ADAMTSL3: variants seen among roughly 807,000 people sequenced by gnomAD.
The protein encoded by ADAMTSL3 is ADAMTS like 3, also known as ADAMTS-like protein 3.
Under a neutral mutation model 201.7 loss-of-function variants are expected in ADAMTSL3, and 128 were observed. The ratio of observed to expected loss-of-function variants is 0.63; its 90% CI spans 0.55 to 0.73. The LOEUF is 0.73. Ranked by LOEUF, ADAMTSL3 falls within the 30% of genes least tolerant of loss-of-function variation. The probability of loss-of-function intolerance (pLI) is 0.00; values close to 1 mark genes in which losing one functional copy is unlikely to be tolerated. For missense variants in ADAMTSL3, 1,990 were observed against 2,119.6 expected (o/e 0.94, Z 1.20); for synonymous variants, 738 against 748.4 (o/e 0.99, Z 0.23).
In ADAMTSL3 at chr15:84,025,481, A is replaced by G. The variant is rs199568472; in HGVS notation, c.4656+45A>G. ...TTTGTGGACAGCACTATCTGTCCAC[A>G]CAGATAGTGTGATAATAATCACCTT... On this transcript the variant is annotated intron_variant, in intron 27 of 29. Transcript: ENST00000286744. The G allele has an allele frequency of 8.2e-5, 128 of 1,566,814 alleles. 2 individuals carry two copies. In the Admixed American group the frequency reaches 2.3e-3, roughly 28 times the overall value.
intron 27 of ADAMTSL3, among the ~76,000 whole-genome samples, chr15:84,027,990 G>A (rs1259774665): frequency 6.6e-6 from 1 of 152,128 alleles, no homozygotes; most frequent in Non-Finnish European, 1.5e-5. Context: ...GAAGACAGAT[G>A]CAAAGGACCA....
intron 23 of ADAMTSL3, among the ~76,000 whole-genome samples, chr15:84,003,765 G>T (rs2067842969): frequency 6.6e-6 from 1 of 152,182 alleles, no homozygotes; most frequent in African/African-American, 2.4e-5. Context: ...CCAGGCAGCA[G>T]CAGAGAGCAC....
At chr15:83,772,732 G>A (rs1230787413) in intron 3 of ADAMTSL3, among the ~76,000 whole-genome samples, 2 of 144,926 alleles carry the variant, frequency 1.4e-5, no homozygotes, top group African/African-American at 5.2e-5. Context: ...CTGAGATAGA[G>A]TCTTGCTCTG....
intron 2 of ADAMTSL3, among the ~76,000 whole-genome samples, chr15:83,669,896 T>C (rs901024772): frequency 1.3e-5 from 2 of 151,978 alleles, no homozygotes; most frequent in African/African-American, 4.8e-5. Flanking sequence ...AATTATGACT[T>C]TGGGAGGAGT....
chr15:83,996,566 G>A (rs1173415017), intron 23 of ADAMTSL3, among the ~76,000 whole-genome samples: 1 of 152,016 alleles, frequency 6.6e-6, no homozygotes, highest in Non-Finnish European at 1.5e-5. Flanking sequence ...CAGATCATGA[G>A]GTCAGGAAAT....
chr15:83,881,854 C>T (rs1239160360), intron 9 of ADAMTSL3, among the ~76,000 whole-genome samples: 2 of 149,444 alleles, frequency 1.3e-5, no homozygotes, highest in East Asian at 2.0e-4. Context: ...GACTCCCTCT[C>T]AAAAAAAGAA....
intron 21 of ADAMTSL3, among the ~76,000 whole-genome samples, chr15:83,986,514 G>A (rs2067478131): frequency 6.6e-6 from 1 of 151,824 alleles, no homozygotes; most frequent in African/African-American, 2.4e-5. Flanking sequence ...TCTAATAAAA[G>A]GTTTTGTTTT....
intron 17 of ADAMTSL3, among the ~76,000 whole-genome samples, chr15:83,938,894 A>T (rs773678233): frequency 6.6e-6 from 1 of 152,162 alleles, no homozygotes; most frequent in Admixed American, 6.5e-5. Flanking sequence ...GTGCTCAATT[A>T]GATATTTTGC....
intron 19 of ADAMTSL3, among the ~76,000 whole-genome samples, chr15:83,950,804 C>T (rs906717580): frequency 7.4e-5 from 11 of 149,334 alleles, no homozygotes; most frequent in East Asian, 3.9e-4. Context: ...TTTGATTGTT[C>T]GCTGTTGGCT....
chr15:83,729,568 G>A (rs2062233664), intron 3 of ADAMTSL3, among the ~76,000 whole-genome samples: 1 of 151,546 alleles, frequency 6.6e-6, no homozygotes. Flanking sequence ...TTTGTCAATT[G>A]CATTTTTCAG....
chr15:83,963,522 TA>T (rs1463840720), intron 19 of ADAMTSL3, among the ~76,000 whole-genome samples: 1 of 152,082 alleles, frequency 6.6e-6, no homozygotes, highest in Non-Finnish European at 1.5e-5. Context: ...GTCTTATAGA[TA>T]AAACTCCCAT....
intron 4 of ADAMTSL3, among the ~76,000 whole-genome samples, chr15:83,774,875 G>A (rs1359096352): frequency 6.6e-6 from 1 of 150,452 alleles, no homozygotes; most frequent in East Asian, 1.9e-4. Context: ...TGGAGATGGA[G>A]TCTCACTCTT....
intron 4 of ADAMTSL3, among the ~76,000 whole-genome samples, chr15:83,784,795 C>CT (rs138292947): frequency 0.16 from 23,517 of 151,590 alleles, 2,482 homozygotes; most frequent in South Asian, 0.29. Flanking sequence ...ATTACTTAGG[C>CT]TTTTTTTTCT....
chr15:84,021,558 G>A lies in ADAMTSL3; in HGVS notation c.4422G>A (p.Gly1474=). The A allele has an allele frequency of 6.2e-7, 1 of 1,614,196 alleles. No individual in the cohort carries two copies. ...LCDHLQKPLA[G]FEPCNIRDCP... ...ATCACCTCCAGAAGCCACTGGCTGG[G>A]TTTGAGCCCTGTAACATCCGGGACT... is the stretch of plus-strand genomic sequence containing the variant. Residue 1474 remains glycine, a synonymous_variant, in exon 26 of 30, where the codon GGG becomes GGA. Transcript: ENST00000286744.
At chr15:83,728,213 C>CT (rs1285268308) in intron 3 of ADAMTSL3, among the ~76,000 whole-genome samples, 1 of 151,246 alleles carries the variant, frequency 6.6e-6, no homozygotes, top group Non-Finnish European at 1.5e-5. Flanking sequence ...CATGGAATAT[C>CT]TTTTTTCATC....
chr15:83,804,762 A>G (rs936593704), intron 5 of ADAMTSL3, 67 bp downstream of exon 5: 15 of 1,253,358 alleles, frequency 1.2e-5, no homozygotes, highest in African/African-American at 1.1e-4. Flanking sequence ...CAATATTCCA[A>G]TGTGTACTCT....
At chr15:84,024,851 T>C (rs144677215) in intron 26 of ADAMTSL3, among the ~76,000 whole-genome samples, 45 of 152,368 alleles carry the variant, frequency 3.0e-4, no homozygotes, top group African/African-American at 1.1e-3. Flanking sequence ...GTAAGTATCT[T>C]GCAGGGTAAA....
intron 17 of ADAMTSL3, among the ~76,000 whole-genome samples, chr15:83,929,738 A>C (rs1389868587): frequency 6.6e-6 from 1 of 151,088 alleles, no homozygotes; most frequent in Non-Finnish European, 1.5e-5. Flanking sequence ...AGAGACAGAC[A>C]CACACACACA....
intron 21 of ADAMTSL3, 73 bp from the exon 22 acceptor site, chr15:83,988,618 C>T (rs1379992046): frequency 1.3e-5 from 17 of 1,333,174 alleles, no homozygotes; most frequent in Admixed American, 2.2e-5. Context: ...AGTCTTCTTT[C>T]TCTGCAACTC....
Sources: gnomAD v4.1 joint callset for allele counts (sites outside exome capture counted in the v4.1 genomes callset) on GRCh38, gnomAD v4.1.1 for gene constraint, MANE v1.5 for transcripts, NCBI Gene and HGNC (gene_info 2026-07-23, HGNC 2026-07-21) for gene names.